The following XYLT1 variants were observed in gnomAD, a reference collection of about 807,000 sequenced individuals.
The protein encoded by XYLT1 is xylosyltransferase 1, also known as beta-D-xylosyltransferase 1.
In XYLT1, 36 loss-of-function variants were observed where a neutral mutation model predicts 91.3. The observed-to-expected ratio is 0.39, with a 90% CI of 0.30 to 0.52. XYLT1 has a LOEUF of 0.52. Ranked by LOEUF, XYLT1 falls within the 20% of genes least tolerant of loss-of-function variation. The pLI is 0.68. For synonymous variants in XYLT1, 588 were observed against 532.0 expected, an observed-to-expected ratio of 1.11 and a Z score of -1.45; for missense variants, 1,242 against 1,284.5, an observed-to-expected ratio of 0.97 and a Z score of 0.51.
At chr16:17,239,036 C>A (rs2033294067) in intron 3 of XYLT1, among the ~76,000 whole-genome samples, 1 of 152,266 alleles carries the variant, frequency 6.6e-6, no homozygotes, top group African/African-American at 2.4e-5. Flanking sequence ...CCAGCCTCAT[C>A]TCTACAGCCA....
chr16:17,333,515 G>A (rs1271197460), intron 2 of XYLT1, among the ~76,000 whole-genome samples: 1 of 151,988 alleles, frequency 6.6e-6, no homozygotes, highest in Non-Finnish European at 1.5e-5. Context: ...GATGATTCTG[G>A]AGGGTTGCTA....
chr16:17,429,304 A>G (rs561514265), intron 1 of XYLT1, among the ~76,000 whole-genome samples: 2 of 152,370 alleles, frequency 1.3e-5, no homozygotes, highest in South Asian at 4.1e-4. Context: ...AGAGTAAGGT[A>G]AGAGAAAGAC....
At chr16:17,412,258 A>G (rs188992193) in intron 1 of XYLT1, among the ~76,000 whole-genome samples, 1 of 152,186 alleles carries the variant, frequency 6.6e-6, no homozygotes, top group East Asian at 1.9e-4. Flanking sequence ...GTCCATGTGC[A>G]TGATTCACAC....
chr16:17,325,691 T>A (rs1265698444), intron 2 of XYLT1, among the ~76,000 whole-genome samples: 1 of 152,176 alleles, frequency 6.6e-6, no homozygotes, highest in Non-Finnish European at 1.5e-5. Context: ...TATTGCCTTA[T>A]GAGTGGGGGA....
At chr16:17,155,064 C>G (rs2141536643) in intron 6 of XYLT1, among the ~76,000 whole-genome samples, 1 of 152,268 alleles carries the variant, frequency 6.6e-6, no homozygotes, top group East Asian at 1.9e-4. Context: ...AAAATGAAGT[C>G]AAGAGAAGCA....
intron 1 of XYLT1, among the ~76,000 whole-genome samples, chr16:17,375,750 G>A (rs1184780002): frequency 2.0e-5 from 3 of 152,252 alleles, no homozygotes; most frequent in Non-Finnish European, 4.4e-5. Flanking sequence ...CCAGGTGGAT[G>A]GGTCTGCTGT....
intron 9 of XYLT1, among the ~76,000 whole-genome samples, chr16:17,132,111 A>C (rs2141502563): frequency 6.6e-6 from 1 of 152,320 alleles, no homozygotes; most frequent in Non-Finnish European, 1.5e-5. Flanking sequence ...CATTCTAGGA[A>C]GCCTGCAACT....
At chr16:17,216,764 A>G (rs1379863517) in intron 3 of XYLT1, among the ~76,000 whole-genome samples, 1 of 152,168 alleles carries the variant, frequency 6.6e-6, no homozygotes, top group Admixed American at 6.5e-5. Context: ...AAATGCTAGC[A>G]AGTAATGGAG....
At chr16:17,432,542 A>T (rs140909263) in intron 1 of XYLT1, among the ~76,000 whole-genome samples, 1 of 152,212 alleles carries the variant, frequency 6.6e-6, no homozygotes, top group Admixed American at 6.5e-5. Context: ...TCCGATTGGC[A>T]TAAGGAGTCT....
chr16:17,305,468 T>A (rs1160065085), intron 2 of XYLT1, among the ~76,000 whole-genome samples: 1 of 149,638 alleles, frequency 6.7e-6, no homozygotes, highest in Non-Finnish European at 1.5e-5. Context: ...CAGGCTGGAG[T>A]GCAGTGGTGC....
At chr16:17,285,744 TCCACTACAGAACTTTCCA>T (rs1470029667) in intron 2 of XYLT1, among the ~76,000 whole-genome samples, 22 of 152,148 alleles carry the variant, frequency 1.4e-4, no homozygotes, top group Non-Finnish European at 2.2e-4. Flanking sequence ...TTTTACCAAC[TCCACTACAGAACTTTCCA>T]CCTGAATTGC....
intron 2 of XYLT1, among the ~76,000 whole-genome samples, chr16:17,292,395 A>G (rs949748482): frequency 2.0e-5 from 3 of 152,052 alleles, no homozygotes; most frequent in Admixed American, 6.6e-5. Context: ...AAACTCTCCC[A>G]TCTCTATTTT....
At chr16:17,298,874 C>A (rs1304708848) in intron 2 of XYLT1, among the ~76,000 whole-genome samples, 1 of 152,186 alleles carries the variant, frequency 6.6e-6, no homozygotes, top group Admixed American at 6.5e-5. Flanking sequence ...GCCACCACCC[C>A]CTGCCCCATA....
intron 5 of XYLT1, among the ~76,000 whole-genome samples, chr16:17,163,743 G>A (rs2031605609): frequency 6.6e-6 from 1 of 152,168 alleles, no homozygotes; most frequent in African/African-American, 2.4e-5. Context: ...ACGACCCATT[G>A]TGGGGCAGAA....
chr16:17,216,444 G>A (rs1189543108), intron 3 of XYLT1, among the ~76,000 whole-genome samples: 1 of 152,142 alleles, frequency 6.6e-6, no homozygotes, highest in African/African-American at 2.4e-5. Context: ...ATCACATTAT[G>A]GGCCATTAAC....
At chr16:17,112,899 G>T (rs1350041820) in intron 11 of XYLT1, among the ~76,000 whole-genome samples, 2 of 142,868 alleles carry the variant, frequency 1.4e-5, no homozygotes, top group African/African-American at 4.9e-5. Flanking sequence ...GAGTGCAATG[G>T]CATGATCTCA....
chr16:17,153,497 C>A (rs565140337), intron 6 of XYLT1, among the ~76,000 whole-genome samples: 1 of 152,154 alleles, frequency 6.6e-6, no homozygotes, highest in Non-Finnish European at 1.5e-5. Context: ...TGGTGCAAGC[C>A]TCAAACTCCT....
intron 10 of XYLT1, among the ~76,000 whole-genome samples, chr16:17,121,765 T>G (rs1354602991): frequency 6.6e-6 from 1 of 152,112 alleles, no homozygotes; most frequent in Non-Finnish European, 1.5e-5. Context: ...CCCTTGCCCA[T>G]GAGTCCCCAA....
intron 1 of XYLT1, among the ~76,000 whole-genome samples, chr16:17,376,179 T>C (rs530350758): frequency 2.0e-5 from 3 of 152,344 alleles, no homozygotes; most frequent in East Asian, 1.9e-4. Context: ...CAGGGAACAT[T>C]TGACACTGTC....
Sources: gnomAD v4.1 joint callset for allele counts (sites outside exome capture counted in the v4.1 genomes callset) on GRCh38, gnomAD v4.1.1 for gene constraint, MANE v1.5 for transcripts, NCBI Gene and HGNC (gene_info 2026-07-23, HGNC 2026-07-21) for gene names.